Variants in RUNX1T1 observed in about 807,000 individuals in gnomAD.
The protein encoded by RUNX1T1 is RUNX1 partner transcriptional co-repressor 1.
Under a neutral mutation model 62.8 loss-of-function variants are expected in RUNX1T1, and 4 were observed. That is an observed-to-expected ratio of 0.06 (90% CI 0.03 to 0.15). The LOEUF is 0.15. Ranked by LOEUF, RUNX1T1 falls within the 10% of genes least tolerant of loss-of-function variation. The probability of loss-of-function intolerance (pLI) is 1.00; values close to 1 mark genes in which losing one functional copy is unlikely to be tolerated. For missense variants in RUNX1T1, 508 were observed against 754.3 expected (o/e 0.67, Z 3.82); for synonymous variants, 291 against 286.0 (o/e 1.02, Z -0.18).
intron 1 of RUNX1T1, among the ~76,000 whole-genome samples, chr8:92,031,074 T>C (rs1826126674): frequency 1.3e-5 from 2 of 152,208 alleles, no homozygotes; most frequent in Non-Finnish European, 2.9e-5. Flanking sequence ...TATTTTCCAC[T>C]GAGCTAACCA....
At chr8:92,089,063 T>C (rs1016876103) in intron 1 of RUNX1T1, among the ~76,000 whole-genome samples, 26 of 152,094 alleles carry the variant, frequency 1.7e-4, no homozygotes, top group African/African-American at 6.3e-4. Flanking sequence ...CAGATGAAAA[T>C]ATCATTACTT....
chr8:91,956,163 T>C (rs1178520529), downstream of RUNX1T1: 1 of 230,398 alleles, frequency 4.3e-6, no homozygotes, highest in East Asian at 6.2e-5. Flanking sequence ...TCTAATTTTA[T>C]CAAAACACAG....
chr8:92,056,372 T>G (rs928455648), intron 1 of RUNX1T1, among the ~76,000 whole-genome samples: 4 of 152,216 alleles, frequency 2.6e-5, no homozygotes, highest in Admixed American at 2.0e-4. Flanking sequence ...TAGCTGATTA[T>G]ATAGCTCTTA....
upstream of RUNX1T1, among the ~76,000 whole-genome samples, chr8:92,066,702 T>C (rs1832925943): frequency 6.6e-6 from 1 of 152,222 alleles, no homozygotes; most frequent in Non-Finnish European, 1.5e-5. Context: ...AAAGCCATAA[T>C]AGATTGTCCC....
chr8:92,072,300 T>C (rs888256802), intron 2 of RUNX1T1, among the ~76,000 whole-genome samples: 1 of 152,202 alleles, frequency 6.6e-6, no homozygotes, highest in Non-Finnish European at 1.5e-5. Flanking sequence ...TGTAAGCAAA[T>C]ACCATCTATG....
chr8:92,098,127 TTGAG>T (rs1377873265), intron 1 of RUNX1T1, among the ~76,000 whole-genome samples: 1 of 152,240 alleles, frequency 6.6e-6, no homozygotes, highest in Non-Finnish European at 1.5e-5. Context: ...CTTTCTTTCT[TTGAG>T]TATGTGAATT....
intron 8 of RUNX1T1, among the ~76,000 whole-genome samples, chr8:91,977,922 G>A (rs370629828): frequency 5.6e-4 from 85 of 152,120 alleles, no homozygotes; most frequent in African/African-American, 1.9e-3. Flanking sequence ...CGAGTAGCTC[G>A]GATTACAGGT....
chr8:92,054,388 G>C (rs1830696381), intron 1 of RUNX1T1, among the ~76,000 whole-genome samples: 1 of 152,120 alleles, frequency 6.6e-6, no homozygotes, highest in Non-Finnish European at 1.5e-5. Context: ...CTGTTTTGTG[G>C]GGGGTTAAAC....
At chr8:92,052,793 C>G (rs1220921459) in intron 1 of RUNX1T1, among the ~76,000 whole-genome samples, 3 of 152,074 alleles carry the variant, frequency 2.0e-5, no homozygotes, top group Non-Finnish European at 2.9e-5. Context: ...CACTGTTGGT[C>G]CCCTTGACCC....
intron 5 of RUNX1T1, among the ~76,000 whole-genome samples, chr8:91,997,609 T>C (rs1404217295): frequency 6.6e-6 from 1 of 152,326 alleles, no homozygotes. Flanking sequence ...GAGTAGAAAC[T>C]TGAAGTCACT....
rs1563591773 is a variant in RUNX1T1 at position 91,959,482 on chromosome 8, GTGTGTGTA to G, written c.*752_*759del. 236 of 171,124 alleles carry G rather than the reference GTGTGTGTA, an allele frequency of 1.4e-3. 4 individuals carry two copies. The highest frequency in any genetic ancestry group is 4.6e-3 in the African/African-American group (170 of 37,284). The allele number at this position is 171,124 out of a possible 1,614,324, so 10.6% of individuals were successfully genotyped here. A position where few individuals can be genotyped will look rare whatever the true frequency, so the allele number is the denominator to read the frequency against. On this transcript the variant is annotated 3_prime_UTR_variant, in exon 11 of 11. Transcript: ENST00000396218. ...TGTGTGTGTGTATATGTGCGTGTGTGTGTGTGTATATATATATATATATATATATATAT... is the reference window on the plus strand; with the variant it reads ...TGTGTGTGTGTATATGTGCGTGTGTGTATATATATATATATATATATATAT...
chr8:92,050,946 C>T (rs1830138012), intron 1 of RUNX1T1, among the ~76,000 whole-genome samples: 1 of 152,086 alleles, frequency 6.6e-6, no homozygotes, highest in South Asian at 2.1e-4. Context: ...GTTGCTATTC[C>T]TCTGTCACTA....
At chr8:92,071,498 CT>C (rs34726598) in intron 2 of RUNX1T1, 32,471 of 147,318 alleles carry the variant, frequency 0.22, 3,707 homozygotes, top group African/African-American at 0.3. Flanking sequence ...ATTCTTAGAT[CT>C]TTTTTTTTTT....
chr8:92,019,930 T>C (rs991510104), intron 1 of RUNX1T1, among the ~76,000 whole-genome samples: 2 of 152,168 alleles, frequency 1.3e-5, no homozygotes, highest in Admixed American at 6.5e-5. Flanking sequence ...ACAGAGACAA[T>C]GTATAGGAAA....
At chr8:92,054,062 G>A (rs953893239) in intron 1 of RUNX1T1, among the ~76,000 whole-genome samples, 2 of 151,774 alleles carry the variant, frequency 1.3e-5, no homozygotes, top group African/African-American at 4.8e-5. Context: ...GGGAAGAAGT[G>A]GGGGACAGAC....
At chr8:92,027,748 G>A (rs1166546096) in intron 1 of RUNX1T1, among the ~76,000 whole-genome samples, 1 of 152,190 alleles carries the variant, frequency 6.6e-6, no homozygotes, top group Non-Finnish European at 1.5e-5. Flanking sequence ...TCTTTAATGG[G>A]AGTGAACTTG....
chr8:91,991,610 TA>T, intron 6 of RUNX1T1, 28 bp downstream of exon 7: 1 of 1,596,818 alleles, frequency 6.3e-7, no homozygotes, highest in Non-Finnish European at 8.6e-7. Flanking sequence ...CCCAATCCCG[TA>T]AGAAGTGAAC....
intron 4 of RUNX1T1, among the ~76,000 whole-genome samples, chr8:92,007,127 G>C (rs1417598803): frequency 6.6e-6 from 1 of 152,072 alleles, no homozygotes; most frequent in African/African-American, 2.4e-5. Context: ...AAATAATAAA[G>C]CAAAAATAAC....
chr8:92,030,764 A>C (rs1346305716), intron 1 of RUNX1T1, among the ~76,000 whole-genome samples: 1 of 152,092 alleles, frequency 6.6e-6, no homozygotes, highest in Admixed American at 6.5e-5. Context: ...TCTCCTAGCT[A>C]TCTCTAGGAG....
Sources: allele counts gnomAD v4.1 joint callset (sites outside exome capture counted in the v4.1 genomes callset), GRCh38; gene constraint gnomAD v4.1.1; transcripts MANE v1.5; gene names NCBI Gene and HGNC (gene_info 2026-07-23, HGNC 2026-07-21).